FAM241A: variants seen among roughly 807,000 people sequenced by gnomAD.
FAM241A encodes the protein uncharacterized protein FAM241A.
A neutral mutation model predicts 12.2 loss-of-function variants in FAM241A; 7 were observed. The ratio of observed to expected loss-of-function variants is 0.58; its 90% CI spans 0.33 to 1.08. FAM241A has a LOEUF of 1.08. Ranked by LOEUF, FAM241A falls within the 50% of genes least tolerant of loss-of-function variation. The pLI, the probability that FAM241A is intolerant of heterozygous loss-of-function variation, is 0.04. For synonymous variants in FAM241A, 74 were observed against 68.2 expected (o/e 1.08, Z -0.42); for missense variants, 161 against 169.7 (o/e 0.95, Z 0.29).
intron 1 of FAM241A, chr4:112,171,575 T>A: frequency 1.4e-6 from 1 of 690,410 alleles, no homozygotes; most frequent in South Asian, 1.5e-5. Context: ...ATCTTGAGTT[T>A]ATGGCCGGGT....
intron 1 of FAM241A, among the ~76,000 whole-genome samples, chr4:112,164,046 T>C (rs1239790570): frequency 6.7e-6 from 1 of 148,366 alleles, no homozygotes; most frequent in Admixed American, 6.8e-5. Context: ...TTCTCACTCA[T>C]AGGTGGGAAT....
intron 1 of FAM241A, 83 bp downstream of exon 1, chr4:112,145,816 C>T (rs886771941): frequency 2.3e-6 from 2 of 859,356 alleles, no homozygotes; most frequent in Non-Finnish European, 2.9e-6. Context: ...GGGGCCCGGC[C>T]CGCGGGCCGC....
chr4:112,157,691 A>G (rs1208884119), intron 1 of FAM241A, among the ~76,000 whole-genome samples: 6 of 152,132 alleles, frequency 3.9e-5, no homozygotes, highest in Non-Finnish European at 2.9e-5. Flanking sequence ...TTATATAACT[A>G]AAATTAACCT....
chr4:112,147,331 A>G (rs1037042384), intron 1 of FAM241A, among the ~76,000 whole-genome samples: 4 of 152,216 alleles, frequency 2.6e-5, no homozygotes, highest in Non-Finnish European at 5.9e-5. Context: ...TTTTGCCTCA[A>G]GATTTATTAA....
At chr4:112,167,262 C>A (rs182548629) in intron 1 of FAM241A, among the ~76,000 whole-genome samples, 83 of 151,812 alleles carry the variant, frequency 5.5e-4, no homozygotes, top group Admixed American at 9.2e-4. Flanking sequence ...CAGAAGAGAA[C>A]ATAAAGTAAA....
chr4:112,171,655 C>G (rs1019749007), intron 1 of FAM241A: 1 of 475,970 alleles, frequency 2.1e-6, no homozygotes. Flanking sequence ...GTTAGGAGAT[C>G]GAGACTATCC....
chr4:112,157,074 G>C (rs1723368578), intron 1 of FAM241A, among the ~76,000 whole-genome samples: 1 of 151,984 alleles, frequency 6.6e-6, no homozygotes, highest in South Asian at 2.1e-4. Context: ...TTCCAAAAAG[G>C]TAAAATTATG....
intron 1 of FAM241A, among the ~76,000 whole-genome samples, chr4:112,178,520 A>G (rs551037140): frequency 6.6e-6 from 1 of 152,210 alleles, no homozygotes; most frequent in African/African-American, 2.4e-5. Context: ...ATTTACATGT[A>G]AGACCTCAGA....
intron 1 of FAM241A, among the ~76,000 whole-genome samples, chr4:112,150,958 G>A (rs561543217): frequency 2.0e-5 from 3 of 152,278 alleles, no homozygotes; most frequent in South Asian, 4.2e-4. Flanking sequence ...TAACTGAAAC[G>A]AAATCTGAGA....
intron 1 of FAM241A, among the ~76,000 whole-genome samples, chr4:112,177,959 G>A (rs975507566): frequency 9.2e-5 from 14 of 152,006 alleles, no homozygotes; most frequent in African/African-American, 3.4e-4. Context: ...TTTTTGCATA[G>A]TATGTTATTG....
At chr4:112,162,050 G>C (rs959309808) in intron 1 of FAM241A, among the ~76,000 whole-genome samples, 1 of 152,068 alleles carries the variant, frequency 6.6e-6, no homozygotes, top group Non-Finnish European at 1.5e-5. Flanking sequence ...CAGAACCAAA[G>C]ACAAAAACCA....
intron 1 of FAM241A, among the ~76,000 whole-genome samples, chr4:112,168,940 C>G (rs1723655855): frequency 6.6e-6 from 1 of 152,186 alleles, no homozygotes; most frequent in African/African-American, 2.4e-5. Flanking sequence ...GCTGAGATTA[C>G]AGGCGTGAGC....
At chr4:112,167,046 G>A (rs1191838421) in intron 1 of FAM241A, among the ~76,000 whole-genome samples, 2 of 128,220 alleles carry the variant, frequency 1.6e-5, no homozygotes, top group Admixed American at 7.9e-5. Context: ...CCCGGGAGGC[G>A]GAGCTTGCAG....
At chr4:112,166,889 C>T (rs1033894829) in intron 1 of FAM241A, among the ~76,000 whole-genome samples, 11 of 149,370 alleles carry the variant, frequency 7.4e-5, no homozygotes, top group Non-Finnish European at 1.5e-4. Flanking sequence ...CCGAGGCGGG[C>T]GGATCACGAG....
intron 1 of FAM241A, among the ~76,000 whole-genome samples, chr4:112,173,668 A>G (rs764051787): frequency 4.6e-5 from 7 of 152,236 alleles, no homozygotes; most frequent in Non-Finnish European, 8.8e-5. Flanking sequence ...TCAAACTTTT[A>G]TACTGAGAGT....
intron 1 of FAM241A, among the ~76,000 whole-genome samples, chr4:112,150,998 A>G (rs1441005376): frequency 2.0e-5 from 3 of 152,212 alleles, no homozygotes; most frequent in Non-Finnish European, 4.4e-5. Context: ...CAGCCTCTGC[A>G]ATTAGAAAAC....
At chr4:112,151,118 T>A (rs1411792875) in intron 1 of FAM241A, among the ~76,000 whole-genome samples, 1 of 151,998 alleles carries the variant, frequency 6.6e-6, no homozygotes, top group Non-Finnish European at 1.5e-5. Context: ...TGGTGGGAGG[T>A]GTTTTGATCA....
rs867404339 is a variant in FAM241A at position 112,157,617 on chromosome 4, A to C, written c.153+11884A>C. ...TATTGAATGCATACATTCAGTGTAC[A>C]TGTGAAAGTGCATGATTTATATGAA... On this transcript the variant is annotated intron_variant, in intron 1 of 1. Transcript: ENST00000309733. Among the ~76,000 whole-genome samples the C allele has an allele frequency of 5.9e-5, 9 of 152,226 alleles. No individual in the cohort carries two copies. The South Asian group carries it at 1.0e-3, about 18-fold the overall frequency.
chr4:112,172,531 G>A (rs1723745402), intron 1 of FAM241A, among the ~76,000 whole-genome samples: 1 of 152,246 alleles, frequency 6.6e-6, no homozygotes, highest in East Asian at 1.9e-4. Flanking sequence ...GCATTAGTGG[G>A]TTTTTTGCCA....
Sources: allele counts gnomAD v4.1 joint callset (sites outside exome capture counted in the v4.1 genomes callset), GRCh38; gene constraint gnomAD v4.1.1; transcripts MANE v1.5; gene names NCBI Gene and HGNC (gene_info 2026-07-23, HGNC 2026-07-21).